The following DPYD variants were observed in gnomAD, a reference collection of about 807,000 sequenced individuals.
The protein encoded by DPYD is dihydropyrimidine dehydrogenase.
A neutral mutation model predicts 116.2 loss-of-function variants in DPYD; 109 were observed. The ratio of observed to expected loss-of-function variants is 0.94; its 90% CI spans 0.80 to 1.10. The LOEUF is 1.10. DPYD is among the 50% of genes least tolerant of loss of function. The probability of loss-of-function intolerance (pLI) is 0.00; values close to 1 mark genes in which losing one functional copy is unlikely to be tolerated. For synonymous variants in DPYD, 440 were observed against 432.0 expected (o/e 1.02, Z -0.23); for missense variants, 1,302 against 1,254.5 (o/e 1.04, Z -0.57).
chr1:97,888,216 C>G (rs1387204954), intron 1 of DPYD, among the ~76,000 whole-genome samples: 1 of 151,944 alleles, frequency 6.6e-6, no homozygotes, highest in Non-Finnish European at 1.5e-5. Context: ...AATACAATAG[C>G]TGATATGAAA....
chr1:97,617,077 A>G (rs1656329876), intron 8 of DPYD, among the ~76,000 whole-genome samples: 1 of 152,130 alleles, frequency 6.6e-6, no homozygotes, highest in Non-Finnish European at 1.5e-5. Context: ...TGGTGCACAC[A>G]TGCAGTCCAA....
chr1:97,476,365 T>C (rs1458509617), intron 13 of DPYD, among the ~76,000 whole-genome samples: 3 of 152,140 alleles, frequency 2.0e-5, no homozygotes, highest in Non-Finnish European at 4.4e-5. Context: ...AGATGACCCC[T>C]TTAGTAGAAA....
chr1:97,736,974 C>T (rs534268792), intron 4 of DPYD, among the ~76,000 whole-genome samples: 127 of 151,978 alleles, frequency 8.4e-4, no homozygotes, highest in Non-Finnish European at 1.6e-3. Flanking sequence ...AAAAGATACT[C>T]CATCACCACT....
intron 16 of DPYD, among the ~76,000 whole-genome samples, chr1:97,314,490 C>CTTTTT (rs66629750): frequency 3.2e-5 from 4 of 123,410 alleles, no homozygotes; most frequent in African/African-American, 6.1e-5. Flanking sequence ...CTAAAGCTTT[C>CTTTTT]TTTTTTTTTT....
chr1:97,292,072 C>G (rs548894547), intron 18 of DPYD, among the ~76,000 whole-genome samples: 22 of 152,128 alleles, frequency 1.4e-4, no homozygotes, highest in Non-Finnish European at 3.2e-4. Flanking sequence ...GTATCAGAAT[C>G]CTCTGAGATG....
intron 11 of DPYD, 83 bp from the exon 12 acceptor site, chr1:97,549,827 A>G (rs1651186080): frequency 8.0e-7 from 1 of 1,254,926 alleles, no homozygotes; most frequent in Non-Finnish European, 1.1e-6. Context: ...AAGAAAAATT[A>G]TGGTTTAATT....
chr1:97,894,028 T>A (rs1672919691), intron 1 of DPYD, among the ~76,000 whole-genome samples: 1 of 151,846 alleles, frequency 6.6e-6, no homozygotes, highest in Non-Finnish European at 1.5e-5. Context: ...TGTTCAGGCT[T>A]TTATAACAGA....
At chr1:97,759,405 C>G (rs1163104303) in intron 3 of DPYD, among the ~76,000 whole-genome samples, 3 of 152,132 alleles carry the variant, frequency 2.0e-5, no homozygotes, top group Non-Finnish European at 2.9e-5. Flanking sequence ...ATTATGCTCA[C>G]CGACTCTTAG....
At position 97,679,182 on chromosome 1, in the gene DPYD, T is replaced by C; in HGVS notation, c.763A>G (p.Ile255Val). 1 of 1,532,570 alleles carries C rather than the reference T, an allele frequency of 6.5e-7. No homozygotes were observed. Among genetic ancestry groups the C allele is most frequent in the Non-Finnish European group, 8.9e-7 (1 of 1,118,984 alleles). 94.9% of individuals were successfully genotyped at this position (1,532,570 alleles called of 1,614,324 possible). A position where few individuals can be genotyped will look rare whatever the true frequency, so the allele number is the denominator to read the frequency against. ...IELMKDLGVK[I>V]ICGKSLSVNE... is the part of the protein sequence containing the mutation. ...ACTGAAAGGCTTTTACCGCAAATTA[T>C]CTATAAGAAACAATATTTTGCATAA... Residue 255 changes from isoleucine (I) to valine (V), a missense_variant and splice_region_variant, in exon 8 of 23, where the codon ATA becomes GTA. Coordinates refer to ENST00000370192, the MANE Select transcript of DPYD (RefSeq NM_000110.4).
intron 16 of DPYD, among the ~76,000 whole-genome samples, chr1:97,307,393 T>C (rs1667237817): frequency 6.6e-6 from 1 of 151,790 alleles, no homozygotes; most frequent in African/African-American, 2.4e-5. Flanking sequence ...AGTTGCTCTT[T>C]GCATTTTAAC....
At chr1:97,195,568 TCA>T (rs1658705495) in intron 19 of DPYD, among the ~76,000 whole-genome samples, 1 of 45,414 alleles carries the variant, frequency 2.2e-5, no homozygotes, top group Non-Finnish European at 3.5e-5. Context: ...GACAGAACTC[TCA>T]TATATATATA....
intron 16 of DPYD, among the ~76,000 whole-genome samples, chr1:97,332,061 G>A (rs1669037295): frequency 1.3e-5 from 2 of 152,076 alleles, no homozygotes; most frequent in South Asian, 4.1e-4. Flanking sequence ...GTTGATCATT[G>A]TTATCTTCTA....
chr1:97,216,421 G>C (rs1660400667), intron 19 of DPYD, among the ~76,000 whole-genome samples: 1 of 152,138 alleles, frequency 6.6e-6, no homozygotes, highest in Admixed American at 6.5e-5. Context: ...GGAGAACATT[G>C]ATGACGTGTT....
intron 3 of DPYD, among the ~76,000 whole-genome samples, chr1:97,780,289 G>T (rs536244315): frequency 3.9e-5 from 6 of 152,276 alleles, no homozygotes; most frequent in South Asian, 2.1e-4. Flanking sequence ...TAAAGGCTAT[G>T]ATTAAGACTT....
intron 18 of DPYD, among the ~76,000 whole-genome samples, chr1:97,248,873 T>A (rs1051946456): frequency 6.6e-6 from 1 of 152,104 alleles, no homozygotes; most frequent in African/African-American, 2.4e-5. Context: ...AAAGCAACAA[T>A]AGGAGTACAT....
chr1:97,418,799 CA>C (rs750656065), intron 14 of DPYD, among the ~76,000 whole-genome samples: 2 of 151,888 alleles, frequency 1.3e-5, no homozygotes, highest in Non-Finnish European at 2.9e-5. Context: ...TGTTAGTTAC[CA>C]AAATGTGTTG....
chr1:97,258,737 C>T (rs1663679426), intron 18 of DPYD, among the ~76,000 whole-genome samples: 1 of 152,082 alleles, frequency 6.6e-6, no homozygotes, highest in Middle Eastern at 3.2e-3. Context: ...GAATTTTGAG[C>T]AAGGTAGTTA....
rs375490078 is a variant in DPYD at position 97,257,452 on chromosome 1, T to TATATAGAGAGAGAGAG, written c.2300-22459_2300-22458insCTCTCTCTCTCTATAT. Among the ~76,000 whole-genome samples the TATATAGAGAGAGAGAG allele has an allele frequency of 3.1e-3, 391 of 126,428 alleles. 1 individual carries two copies. Among genetic ancestry groups the TATATAGAGAGAGAGAG allele is most frequent in the East Asian group, 6.4e-3 (26 of 4,040 alleles). 82.9% of individuals were successfully genotyped at this position (126,428 alleles called of 152,430 possible). ...ATACATACGTATATATATATATATA[T>TATATAGAGAGAGAGAG]AGAGAGAGAGAAAGAGAGAGAGAGC... On this transcript the variant is annotated intron_variant, in intron 18 of 22. Transcript: ENST00000370192.
chr1:97,836,768 A>G (rs927514559), intron 2 of DPYD, among the ~76,000 whole-genome samples: 3 of 152,112 alleles, frequency 2.0e-5, no homozygotes, highest in African/African-American at 7.2e-5. Context: ...TACATTACAA[A>G]GAAAAATATG....
Sources: allele counts gnomAD v4.1 joint callset (sites outside exome capture counted in the v4.1 genomes callset), GRCh38; gene constraint gnomAD v4.1.1; transcripts MANE v1.5; gene names NCBI Gene and HGNC (gene_info 2026-07-23, HGNC 2026-07-21).